AUTS2: variants seen among roughly 807,000 people sequenced by gnomAD.
The protein encoded by AUTS2 is autism susceptibility gene 2 protein.
A neutral mutation model predicts 112.4 loss-of-function variants in AUTS2; 17 were observed. The observed-to-expected ratio is 0.15, with a 90% CI of 0.10 to 0.23. AUTS2 has a LOEUF of 0.23. Ranked by LOEUF, AUTS2 falls within the 10% of genes least tolerant of loss-of-function variation. The pLI, the probability that AUTS2 is intolerant of heterozygous loss-of-function variation, is 1.00. For missense variants in AUTS2, 1,510 were observed against 1,701.6 expected (o/e 0.89, Z 1.98); for synonymous variants, 751 against 702.7 (o/e 1.07, Z -1.09).
rs141970937 is a variant in AUTS2, at chr7:70,008,231, A to G, written c.522+108733A>G. 7.2e-5 allele frequency among the ~76,000 whole-genome samples: 11 copies of G among 152,252 alleles called. No individual in the cohort carries two copies. In the East Asian group the frequency reaches 2.1e-3, roughly 29 times the overall value. ...TTTTTTCTTTATAATTCTCTCCCAC[A>G]AATCAGTTATTTAGCCTATGTTTTC... On this transcript the variant is annotated intron_variant, in intron 2 of 18. Transcript: ENST00000342771.
chr7:70,763,182 C>T lies in AUTS2; in HGVS notation c.1055C>T (p.Pro352Leu), dbSNP rs759065817. Reference sequence around the variant, plus strand: ...GGCCCTCCTGAGGCCCAGCTCCAGCCTGCCCCGCAGCCTCAGGTGCAGAGG... The same window carrying T: ...GGCCCTCCTGAGGCCCAGCTCCAGCTTGCCCCGCAGCCTCAGGTGCAGAGG... ...PQGPPEAQLQ[P>L]APQPQVQRPP... The change falls in exon 7 of 19, where the codon CCT becomes CTT. Residue 352 changes from proline (P) to leucine (L), a missense_variant. By Grantham distance (98) the Pro-to-Leu change is moderately conservative. Transcript: ENST00000342771. 6.2e-7 allele frequency: 1 copy of T among 1,614,034 alleles called. No homozygotes were observed. Among genetic ancestry groups the T allele is most frequent in the Non-Finnish European group, 8.5e-7 (1 of 1,179,966 alleles).
chr7:70,700,232 T>G (rs1809377469), intron 6 of AUTS2, among the ~76,000 whole-genome samples: 1 of 152,174 alleles, frequency 6.6e-6, no homozygotes. Context: ...GTGGCATCTA[T>G]TTGGTTGTGA....
chr7:69,700,159 T>C (rs946621505), intron 1 of AUTS2, among the ~76,000 whole-genome samples: 2 of 152,210 alleles, frequency 1.3e-5, no homozygotes, highest in African/African-American at 4.8e-5. Context: ...TTTTTGCCAA[T>C]CTGATAGGAG....
chr7:70,522,719 G>T (rs1799693922), intron 5 of AUTS2, among the ~76,000 whole-genome samples: 1 of 152,180 alleles, frequency 6.6e-6, no homozygotes, highest in Non-Finnish European at 1.5e-5. Flanking sequence ...TGGGCACCTA[G>T]GTTGCTTCTG....
chr7:69,712,546 A>G (rs1430204604), intron 1 of AUTS2, among the ~76,000 whole-genome samples: 2 of 152,172 alleles, frequency 1.3e-5, no homozygotes, highest in Non-Finnish European at 2.9e-5. Flanking sequence ...GTTGTAGTGT[A>G]TATTGATAAT....
At chr7:70,526,262 T>G (rs936676608) in intron 5 of AUTS2, among the ~76,000 whole-genome samples, 3 of 152,210 alleles carry the variant, frequency 2.0e-5, no homozygotes, top group Non-Finnish European at 4.4e-5. Flanking sequence ...ACAACAGATC[T>G]CTGCTCACTG....
chr7:70,631,440 G>A lies in AUTS2; in HGVS notation c.691-67129G>A, dbSNP rs1805252620. ...CGGGAAGAGGCTCGTTTCAGAGGAA[G>A]CGTCCAATGGGCCGTTCAGGTTAGG... On this transcript the variant is annotated intron_variant, in intron 5 of 18. Transcript: ENST00000342771. This position sits in a 1 kb window ranked among gnomAD's most constrained non-coding sequence, Gnocchi z 4.5. 6.6e-6 allele frequency among the ~76,000 whole-genome samples: 1 copy of A among 152,210 alleles called. No homozygotes were observed. The highest frequency in any genetic ancestry group is 1.5e-5 in the Non-Finnish European group (1 of 68,036).
intron 5 of AUTS2, among the ~76,000 whole-genome samples, chr7:70,463,252 A>G (rs1286142534): frequency 6.6e-6 from 1 of 152,210 alleles, no homozygotes; most frequent in Admixed American, 6.5e-5. Flanking sequence ...GAAAAGGAGC[A>G]CAGAGACGGT....
intron 4 of AUTS2, among the ~76,000 whole-genome samples, chr7:70,378,243 A>G (rs1562923112): frequency 1.3e-5 from 2 of 152,218 alleles, no homozygotes; most frequent in Admixed American, 6.5e-5. Context: ...TAATGCTGCT[A>G]TGAACATGTC....
intron 1 of AUTS2, among the ~76,000 whole-genome samples, chr7:69,611,936 CAAA>C (rs896215968): frequency 0.017 from 1,455 of 85,762 alleles, 20 homozygotes; most frequent in South Asian, 0.02. Flanking sequence ...GACTCCGTCT[CAAA>C]AAAAAAAAAA....
At chr7:69,905,576 G>T (rs775115795) in intron 2 of AUTS2, among the ~76,000 whole-genome samples, 9 of 152,116 alleles carry the variant, frequency 5.9e-5, no homozygotes, top group Non-Finnish European at 1.2e-4. Flanking sequence ...GAGAGAGAGA[G>T]ACCATTTCGC....
chr7:69,831,193 A>G (rs1048209507), intron 1 of AUTS2, among the ~76,000 whole-genome samples: 14 of 151,976 alleles, frequency 9.2e-5, no homozygotes, highest in African/African-American at 2.9e-4. Context: ...TTTTCTTTTG[A>G]AGGAATAAGA....
intron 5 of AUTS2, among the ~76,000 whole-genome samples, chr7:70,568,827 G>T (rs17141754): frequency 0.022 from 3,418 of 152,346 alleles, 59 homozygotes; most frequent in East Asian, 0.089. Flanking sequence ...TTGTGTGTTT[G>T]CAGAATGCCA....
chr7:69,613,639 G>A (rs1793160285), intron 1 of AUTS2, among the ~76,000 whole-genome samples: 1 of 152,190 alleles, frequency 6.6e-6, no homozygotes, highest in South Asian at 2.1e-4. Flanking sequence ...GGACTAGCAT[G>A]CCCTCACAGA....
chr7:70,106,577 G>C (rs1008294048), intron 2 of AUTS2, among the ~76,000 whole-genome samples: 1 of 152,030 alleles, frequency 6.6e-6, no homozygotes, highest in African/African-American at 2.4e-5. Flanking sequence ...GAAATTAGCC[G>C]GGCATGGTAG....
At chr7:70,608,695 C>T (rs559716644) in intron 5 of AUTS2, among the ~76,000 whole-genome samples, 1 of 152,216 alleles carries the variant, frequency 6.6e-6, no homozygotes, top group Non-Finnish European at 1.5e-5. Context: ...GGCATGGGTC[C>T]CAGTGATGAT....
chr7:70,029,764 T>C (rs1278400694), intron 2 of AUTS2, among the ~76,000 whole-genome samples: 1 of 152,156 alleles, frequency 6.6e-6, no homozygotes, highest in Non-Finnish European at 1.5e-5. Flanking sequence ...GAGGGAAAAA[T>C]ATTAAATATG....
In AUTS2 at chr7:70,008,137, C is replaced by A. The variant is rs1799630484; in HGVS notation, c.522+108639C>A. Among the ~76,000 whole-genome samples, 4 of 152,148 alleles carry A rather than the reference C, an allele frequency of 2.6e-5. No homozygotes were observed. In the South Asian group the frequency reaches 8.3e-4, roughly 32 times the overall value. ...GTTGTGTTTGTTTAAAACATGTCTC[C>A]TTCTGTTAACTTGCTTCCTTATATT... On this transcript the variant is annotated intron_variant, in intron 2 of 18. Transcript: ENST00000342771.
At chr7:69,607,204 C>T (rs1188165020) in intron 1 of AUTS2, among the ~76,000 whole-genome samples, 2 of 152,084 alleles carry the variant, frequency 1.3e-5, no homozygotes, top group Admixed American at 6.6e-5. Flanking sequence ...GGCTCTGGAC[C>T]CTGAAATCAT....
Sources: gnomAD v4.1 joint callset for allele counts (sites outside exome capture counted in the v4.1 genomes callset) on GRCh38, gnomAD v4.1.1 for gene constraint, Gnocchi (gnomAD v3.1) non-coding constraint, MANE v1.5 for transcripts, NCBI Gene and HGNC (gene_info 2026-07-23, HGNC 2026-07-21) for gene names.